Variants in ARHGAP21 observed in about 807,000 individuals in gnomAD.
The protein encoded by ARHGAP21 is Rho GTPase activating protein 21.
A neutral mutation model predicts 164.6 loss-of-function variants in ARHGAP21; 38 were observed. The observed-to-expected ratio is 0.23, with a 90% CI of 0.18 to 0.30. ARHGAP21 has a LOEUF of 0.30. Among genes scored for constraint, ARHGAP21 ranks in the 10% least tolerant of loss-of-function variants. The pLI, the probability that ARHGAP21 is intolerant of heterozygous loss-of-function variation, is 1.00. For missense variants in ARHGAP21, 1,822 were observed against 2,370.7 expected, an observed-to-expected ratio of 0.77 and a Z score of 4.81; for synonymous variants, 766 against 857.9, an observed-to-expected ratio of 0.89 and a Z score of 1.87.
chr10:24,598,680 A>G (rs1564976982), intron 14 of ARHGAP21, among the ~76,000 whole-genome samples: 1 of 151,870 alleles, frequency 6.6e-6, no homozygotes, highest in African/African-American at 2.4e-5. Flanking sequence ...GGGGTTCTCA[A>G]TTTTTTTTAA....
intron 2 of ARHGAP21, among the ~76,000 whole-genome samples, chr10:24,676,056 G>A (rs1191240424): frequency 6.6e-6 from 1 of 152,190 alleles, no homozygotes; most frequent in Non-Finnish European, 1.5e-5. Context: ...GCTGAGGCAG[G>A]AGAAGCACTA....
intron 9 of ARHGAP21, among the ~76,000 whole-genome samples, chr10:24,611,057 G>A (rs545633579): frequency 3.3e-5 from 5 of 152,170 alleles, no homozygotes; most frequent in African/African-American, 4.8e-5. Flanking sequence ...TTCGTGTTCC[G>A]CAAGATAACT....
At chr10:24,642,733 T>C (rs541852005) in intron 4 of ARHGAP21, among the ~76,000 whole-genome samples, 1 of 152,256 alleles carries the variant, frequency 6.6e-6, no homozygotes, top group South Asian at 2.1e-4. Flanking sequence ...GTTTCACATG[T>C]AAAAATCATA....
intron 6 of ARHGAP21, among the ~76,000 whole-genome samples, chr10:24,630,430 G>T (rs1337175894): frequency 2.0e-5 from 3 of 152,130 alleles, no homozygotes; most frequent in African/African-American, 7.2e-5. Flanking sequence ...ATTATAGATT[G>T]TTGTCATATA....
chr10:24,604,911 T>G (rs912641716), intron 11 of ARHGAP21, among the ~76,000 whole-genome samples: 7 of 152,188 alleles, frequency 4.6e-5, no homozygotes, highest in African/African-American at 1.7e-4. Flanking sequence ...GGCTTAGAGC[T>G]TCAGGAGACA....
chr10:24,636,395 A>G (rs1013028964), intron 4 of ARHGAP21, among the ~76,000 whole-genome samples: 12 of 152,228 alleles, frequency 7.9e-5, no homozygotes, highest in African/African-American at 2.7e-4. Context: ...CCTGAATCAG[A>G]AACTCTGAGG....
At chr10:24,708,514 T>C (rs780795061) in intron 2 of ARHGAP21, among the ~76,000 whole-genome samples, 10 of 152,180 alleles carry the variant, frequency 6.6e-5, no homozygotes, top group Non-Finnish European at 1.5e-4. Flanking sequence ...TGGCTTTTCG[T>C]ATATTTATCA....
intron 2 of ARHGAP21, among the ~76,000 whole-genome samples, chr10:24,690,146 CATT>C (rs1283833296): frequency 6.6e-6 from 1 of 151,940 alleles, no homozygotes; most frequent in African/African-American, 2.4e-5. Context: ...TCTCTTTGTT[CATT>C]ATCTTTTTTA....
At chr10:24,627,552 A>C (rs1835264588) in intron 7 of ARHGAP21, among the ~76,000 whole-genome samples, 1 of 152,184 alleles carries the variant, frequency 6.6e-6, no homozygotes, top group South Asian at 2.1e-4. Context: ...CATGTTTTAA[A>C]AATAAATTTT....
At chr10:24,703,765 T>C (rs572070873) in intron 2 of ARHGAP21, among the ~76,000 whole-genome samples, 1 of 152,162 alleles carries the variant, frequency 6.6e-6, no homozygotes, top group Non-Finnish European at 1.5e-5. Context: ...CCCATACTTC[T>C]TTCCGACCTA....
At chr10:24,713,026 T>C (rs1844992165) in intron 2 of ARHGAP21, among the ~76,000 whole-genome samples, 1 of 151,658 alleles carries the variant, frequency 6.6e-6, no homozygotes, top group Non-Finnish European at 1.5e-5. Context: ...ACACTAGCTA[T>C]GCCACATTCA....
chr10:24,602,972 A>G (rs899826815), intron 12 of ARHGAP21, among the ~76,000 whole-genome samples: 1 of 152,140 alleles, frequency 6.6e-6, no homozygotes, highest in African/African-American at 2.4e-5. Context: ...ACTAAGGGAT[A>G]AGGAAGTCTG....
chr10:24,589,708 G>A (rs779099061), intron 24 of ARHGAP21: 42 of 168,042 alleles, frequency 2.5e-4, no homozygotes, highest in Non-Finnish European at 4.4e-4. Context: ...AGTGTTGGCC[G>A]CCCTAGCTAC....
chr10:24,641,230 CTA>C (rs1444828208), intron 4 of ARHGAP21, among the ~76,000 whole-genome samples: 1 of 152,080 alleles, frequency 6.6e-6, no homozygotes, highest in Admixed American at 6.6e-5. Flanking sequence ...TAAATATATC[CTA>C]TATAAGTCAT....
At chr10:24,601,208 A>G (rs1210996147) in intron 13 of ARHGAP21, among the ~76,000 whole-genome samples, 2 of 152,262 alleles carry the variant, frequency 1.3e-5, no homozygotes, top group Non-Finnish European at 2.9e-5. Flanking sequence ...AAATAAATGT[A>G]GCAAAACATA....
intron 7 of ARHGAP21, among the ~76,000 whole-genome samples, chr10:24,628,780 TATACACAC>T (rs937304109): frequency 2.9e-5 from 4 of 137,182 alleles, no homozygotes; most frequent in South Asian, 4.6e-4. Context: ...TGCATATATA[TATACACAC>T]ATATATACAC....
chr10:24,621,986 G>C (rs2367067), intron 8 of ARHGAP21, among the ~76,000 whole-genome samples: 125,338 of 152,066 alleles, frequency 0.82, 51,969 homozygotes, highest in African/African-American at 0.92. Flanking sequence ...AATAAAGGCA[G>C]AAAAACATGA....
intron 4 of ARHGAP21, among the ~76,000 whole-genome samples, chr10:24,645,964 T>C (rs1488075947): frequency 6.6e-6 from 1 of 152,194 alleles, no homozygotes; most frequent in Non-Finnish European, 1.5e-5. Context: ...TGTGCACAGC[T>C]ATCTGAAGGA....
At chr10:24,617,287 AT>A (rs1389182525) in intron 9 of ARHGAP21, among the ~76,000 whole-genome samples, 1 of 152,032 alleles carries the variant, frequency 6.6e-6, no homozygotes, top group East Asian at 1.9e-4. Flanking sequence ...TATCCAGCAC[AT>A]TTTTTTACTA....
Sources: gnomAD v4.1 joint callset for allele counts (sites outside exome capture counted in the v4.1 genomes callset) on GRCh38, gnomAD v4.1.1 for gene constraint, MANE v1.5 for transcripts, NCBI Gene and HGNC (gene_info 2026-07-23, HGNC 2026-07-21) for gene names.